The following BLTP2 variants were observed in gnomAD, a reference collection of about 807,000 sequenced individuals.
The protein encoded by BLTP2 is bridge-like lipid transfer protein family member 2, also known as U937-associated antigen.
At chr17:28,623,107 T>C in the BLTP2 span, among the ~76,000 whole-genome samples, 2 of 151,520 alleles carry the variant, frequency 1.3e-5, no homozygotes, top group African/African-American at 2.4e-5. Context: ...CAAAACCACA[T>C]TACCTTGCCA....
chr17:28,634,759 A>G, the BLTP2 span: 1 of 1,614,096 alleles, frequency 6.2e-7, no homozygotes, highest in Non-Finnish European at 8.5e-7. Flanking sequence ...GTAGATTTCA[A>G]TGTTTTTGCG....
chr17:28,629,281 C>T, the BLTP2 span, among the ~76,000 whole-genome samples: 1 of 149,498 alleles, frequency 6.7e-6, no homozygotes, highest in Non-Finnish European at 1.5e-5. Flanking sequence ...GTCTCCCAGG[C>T]TGAAGTGCAG....
At chr17:28,634,350 C>T in the BLTP2 span, among the ~76,000 whole-genome samples, 474 of 152,192 alleles carry the variant, frequency 3.1e-3, 1 homozygote, top group African/African-American at 0.011. Flanking sequence ...AGCAATTTCA[C>T]GGTGAAATTC....
At chr17:28,629,641 C>A in the BLTP2 span, among the ~76,000 whole-genome samples, 1 of 151,996 alleles carries the variant, frequency 6.6e-6, no homozygotes, top group East Asian at 1.9e-4. Flanking sequence ...CCACGCCCAG[C>A]AAATTTTTGT....
chr17:28,638,695 A>C, the BLTP2 span: 1 of 1,030,540 alleles, frequency 9.7e-7, no homozygotes. Context: ...GCAGCTTCCT[A>C]TCATGGAACA....
the BLTP2 span, among the ~76,000 whole-genome samples, chr17:28,622,930 C>G: frequency 6.6e-6 from 1 of 152,096 alleles, no homozygotes; most frequent in African/African-American, 2.4e-5. Flanking sequence ...CAAAAATTAG[C>G]CGGGCATGGT....
the BLTP2 span, chr17:28,639,642 T>C: frequency 6.2e-7 from 1 of 1,613,814 alleles, no homozygotes; most frequent in East Asian, 2.2e-5. Flanking sequence ...CAACAACCCA[T>C]CTGTAAGAGG....
chr17:28,621,519 A>T, the BLTP2 span: 1 of 1,576,388 alleles, frequency 6.3e-7, no homozygotes, highest in South Asian at 1.1e-5. Context: ...AGATGCAGGC[A>T]ACTTTAGCTC....
At chr17:28,619,895 G>A in the BLTP2 span, 2 of 1,613,844 alleles carry the variant, frequency 1.2e-6, no homozygotes, top group Non-Finnish European at 1.7e-6. Context: ...TCCAGCTGTC[G>A]TATTTGGGCC....
At chr17:28,635,077 G>C in the BLTP2 span, 5 of 1,613,490 alleles carry the variant, frequency 3.1e-6, no homozygotes, top group Non-Finnish European at 4.2e-6. Flanking sequence ...CTCATCTAGA[G>C]TTCGAGAAAA....
the BLTP2 span, chr17:28,631,955 G>A: frequency 6.2e-7 from 1 of 1,609,124 alleles, no homozygotes; most frequent in Non-Finnish European, 8.5e-7. Context: ...ACAAAGGATG[G>A]CATGAGAGGG....
chr17:28,631,677 G>T, the BLTP2 span: 1 of 1,614,098 alleles, frequency 6.2e-7, no homozygotes. Context: ...GCATCACTGT[G>T]CCTGCTGAGA....
At chr17:28,643,689 G>A in the BLTP2 span, 196 of 1,608,194 alleles carry the variant, frequency 1.2e-4, 1 homozygote, top group African/African-American at 2.2e-3. Context: ...AGCTCTGTGT[G>A]CTAGCTGCTA....
At chr17:28,614,778 CT>C in the BLTP2 span, 3 of 227,956 alleles carry the variant, frequency 1.3e-5, no homozygotes, top group East Asian at 2.8e-4. Flanking sequence ...GACTATCCCC[CT>C]ACCCTTTCAC....
chr17:28,642,663 T>A, the BLTP2 span, among the ~76,000 whole-genome samples: 39 of 151,812 alleles, frequency 2.6e-4, no homozygotes, highest in Middle Eastern at 6.8e-3. Flanking sequence ...AAAAAAAATT[T>A]AAAAAAAAGA....
chr17:28,635,028 T>C, the BLTP2 span: 13 of 1,613,392 alleles, frequency 8.1e-6, no homozygotes, highest in Admixed American at 1.7e-5. Flanking sequence ...CACGAGTCCC[T>C]TGATGTAGTC....
the BLTP2 span, chr17:28,628,244 G>C: frequency 3.1e-6 from 5 of 1,610,304 alleles, no homozygotes; most frequent in South Asian, 5.5e-5. Flanking sequence ...AACCCAAAAA[G>C]TCTCATCTCC....
At chr17:28,644,947 CCCGCCG>C in the BLTP2 span, 22 of 1,520,264 alleles carry the variant, frequency 1.4e-5, no homozygotes, top group East Asian at 7.4e-5. Context: ...CCCCCTCCCT[CCCGCCG>C]CCGCCGCCGC....
chr17:28,630,637 T>C, the BLTP2 span, among the ~76,000 whole-genome samples: 2 of 151,994 alleles, frequency 1.3e-5, no homozygotes, highest in Admixed American at 6.6e-5. Flanking sequence ...TGTACCACCA[T>C]TCCCAGCTAA....
Sources: allele counts gnomAD v4.1 joint callset (sites outside exome capture counted in the v4.1 genomes callset), GRCh38; gene constraint gnomAD v4.1.1; transcripts MANE v1.5; gene names NCBI Gene and HGNC (gene_info 2026-07-23, HGNC 2026-07-21).